Variants in NCMAP observed in about 807,000 individuals in gnomAD.
NCMAP encodes the protein noncompact myelin-associated protein.
A neutral mutation model predicts 7.8 loss-of-function variants in NCMAP; 8 were observed. That is an observed-to-expected ratio of 1.02 (90% CI 0.60 to 1.84). The LOEUF (loss-of-function observed/expected upper bound fraction) is 1.84. NCMAP is among the 40% of genes most tolerant of loss of function. The pLI, the probability that NCMAP is intolerant of heterozygous loss-of-function variation, is 0.00. For synonymous variants in NCMAP, 41 were observed against 52.9 expected (o/e 0.78, Z 0.98); for missense variants, 112 against 131.4 (o/e 0.85, Z 0.72).
intron 1 of NCMAP, among the ~76,000 whole-genome samples, chr1:24,583,737 A>G (rs922053627): frequency 4.1e-5 from 6 of 146,056 alleles, no homozygotes; most frequent in Non-Finnish European, 9.1e-5. Context: ...AAAAAAAAAA[A>G]AGTGAGCAGG....
chr1:24,565,572 TTGTGTGTGTG>T (rs58714256), intron 1 of NCMAP, among the ~76,000 whole-genome samples: 6,785 of 143,634 alleles, frequency 0.047, 480 homozygotes, highest in African/African-American at 0.16. Context: ...TGATAGAAGA[TTGTGTGTGTG>T]TGTGTGTGTG....
rs749981588 is a variant in NCMAP, at chr1:24,571,876, G to A, written c.-8+15707G>A. 6.0e-5 allele frequency among the ~76,000 whole-genome samples: 9 copies of A among 150,878 alleles called. 1 individual carries two copies. The highest frequency in any genetic ancestry group is 8.8e-5 in the Non-Finnish European group (6 of 68,018). On this transcript the variant is annotated intron_variant, in intron 1 of 3. Coordinates refer to ENST00000374392, the MANE Select transcript of NCMAP (RefSeq NM_001010980.5). The stretch of plus-strand genomic sequence containing the variant: ...GCTGGGATTACAGGCGTAAGCCACC[G>A]CGCCTGGAAGAAAAAAATTATGAAT...
intron 1 of NCMAP, among the ~76,000 whole-genome samples, chr1:24,594,092 A>G (rs961361811): frequency 6.6e-6 from 1 of 151,920 alleles, no homozygotes; most frequent in African/African-American, 2.4e-5. Context: ...GGGTTTCACC[A>G]TGTTGACCAG....
At chr1:24,581,674 C>T (rs1419363788) in intron 1 of NCMAP, among the ~76,000 whole-genome samples, 2 of 152,172 alleles carry the variant, frequency 1.3e-5, no homozygotes, top group African/African-American at 4.8e-5. Flanking sequence ...ATTGATGAGG[C>T]TCATGGAGGG....
chr1:24,567,336 C>T (rs1232001256), intron 1 of NCMAP, among the ~76,000 whole-genome samples: 3 of 152,168 alleles, frequency 2.0e-5, no homozygotes. Context: ...AGTGCTATAA[C>T]TAAGGTACCT....
intron 1 of NCMAP, among the ~76,000 whole-genome samples, chr1:24,575,390 C>T (rs1300021617): frequency 2.0e-5 from 3 of 152,114 alleles, no homozygotes; most frequent in Non-Finnish European, 4.4e-5. Flanking sequence ...ACTGAGTCTT[C>T]ATTCGTTCAG....
At chr1:24,594,776 G>A (rs1320521747) in intron 1 of NCMAP, among the ~76,000 whole-genome samples, 1 of 152,130 alleles carries the variant, frequency 6.6e-6, no homozygotes, top group African/African-American at 2.4e-5. Context: ...TGTAGTCCCA[G>A]CTACTCAGGA....
intron 1 of NCMAP, among the ~76,000 whole-genome samples, chr1:24,585,890 G>A (rs558672968): frequency 6.9e-4 from 105 of 152,258 alleles, no homozygotes; most frequent in African/African-American, 2.3e-3. Flanking sequence ...AGCGTTCATG[G>A]TCTGACTCCC....
At chr1:24,591,329 A>T (rs1652042159) in intron 1 of NCMAP, among the ~76,000 whole-genome samples, 1 of 151,894 alleles carries the variant, frequency 6.6e-6, no homozygotes, top group Non-Finnish European at 1.5e-5. Context: ...GCAGTGGCGC[A>T]ATCTTGGCTC....
intron 2 of NCMAP, among the ~76,000 whole-genome samples, chr1:24,598,635 T>C (rs1015763024): frequency 6.6e-6 from 1 of 151,900 alleles, no homozygotes; most frequent in Non-Finnish European, 1.5e-5. Context: ...TCTTTCTTTT[T>C]TTTTTCTTTT....
rs1241421057 is a variant in NCMAP at position 24,597,655 on chromosome 1, G to GAAATA, written c.82+2146_82+2147insTAAAA. 9.4e-5 allele frequency among the ~76,000 whole-genome samples: 12 copies of GAAATA among 127,292 alleles called. No individual in the cohort carries two copies. In the South Asian group the frequency reaches 1.9e-3, roughly 20 times the overall value. 83.5% of individuals were successfully genotyped at this position (127,292 alleles called of 152,430 possible). ...AGAAAGAAAGAAAGAAAGAAAGAAA[G>GAAATA]AAAGAAAGAAAGAAAGAAAAGAAAA... On this transcript the variant is annotated intron_variant, in intron 2 of 3. Coordinates refer to ENST00000374392, the MANE Select transcript of NCMAP (RefSeq NM_001010980.5).
At chr1:24,601,933 C>A (rs189118321) in intron 3 of NCMAP, among the ~76,000 whole-genome samples, 104 of 151,586 alleles carry the variant, frequency 6.9e-4, no homozygotes, top group African/African-American at 2.4e-3. Flanking sequence ...CCCAGCTACT[C>A]GGGAGGCTGA....
intron 1 of NCMAP, among the ~76,000 whole-genome samples, chr1:24,585,286 A>G (rs1394170685): frequency 6.6e-6 from 1 of 152,180 alleles, no homozygotes. Context: ...TATGTACCCT[A>G]CAGAGTGCTT....
At chr1:24,564,513 C>CAAAAAAAAAAAAAAAAAAAAAAAAAA (rs1184189345) in intron 1 of NCMAP, among the ~76,000 whole-genome samples, 1 of 50,018 alleles carries the variant, frequency 2.0e-5, no homozygotes, top group Non-Finnish European at 3.1e-5. Flanking sequence ...GATTCTGTCT[C>CAAAAAAAAAAAAAAAAAAAAAAAAAA]AAAAAAAAAA....
intron 1 of NCMAP, among the ~76,000 whole-genome samples, chr1:24,565,114 G>T (rs190511910): frequency 6.6e-6 from 1 of 150,926 alleles, no homozygotes; most frequent in Non-Finnish European, 1.5e-5. Context: ...GCAGTATTTG[G>T]CATTTTAGGC....
At chr1:24,587,957 AT>A (rs906560428) in intron 1 of NCMAP, among the ~76,000 whole-genome samples, 41 of 150,992 alleles carry the variant, frequency 2.7e-4, no homozygotes, top group Admixed American at 1.9e-3. Flanking sequence ...TTTTTCTTTT[AT>A]TTTTTTTTAG....
intron 3 of NCMAP, 73 bp downstream of exon 3, chr1:24,601,097 T>A: frequency 8.1e-7 from 1 of 1,228,014 alleles, no homozygotes; most frequent in Non-Finnish European, 1.2e-6. Flanking sequence ...GGAGGTGATA[T>A]ATGGGTGTCC....
At position 24,569,733 on chromosome 1, in the gene NCMAP, C is replaced by T. The variant is rs1341580292; in HGVS notation, c.-8+13564C>T. Among the ~76,000 whole-genome samples the T allele has an allele frequency of 2.7e-5, 4 of 150,488 alleles. 1 individual carries two copies. The highest frequency in any genetic ancestry group is 1.0e-4 in the African/African-American group (4 of 39,864). ...CTGGCATGGAATGAAATGAGTTATACAAATAAAAATTTAAACTATACAAAT... is the reference window on the plus strand; with the variant it reads ...CTGGCATGGAATGAAATGAGTTATATAAATAAAAATTTAAACTATACAAAT... On this transcript the variant is annotated intron_variant, in intron 1 of 3. Coordinates refer to ENST00000374392, the MANE Select transcript of NCMAP (RefSeq NM_001010980.5).
chr1:24,571,958 T>C (rs1437938881), intron 1 of NCMAP, among the ~76,000 whole-genome samples: 1 of 150,958 alleles, frequency 6.6e-6, no homozygotes, highest in Non-Finnish European at 1.5e-5. Context: ...ATGGGCATTT[T>C]GCACTTAAAA....
Sources: allele counts gnomAD v4.1 joint callset (sites outside exome capture counted in the v4.1 genomes callset), GRCh38; gene constraint gnomAD v4.1.1; transcripts MANE v1.5; gene names NCBI Gene and HGNC (gene_info 2026-07-23, HGNC 2026-07-21).